TAOK3: variants seen among roughly 807,000 people sequenced by gnomAD.
TAOK3 encodes TAO kinase 3, also known as serine/threonine-protein kinase TAO3.
In TAOK3, 40 loss-of-function variants were observed where a neutral mutation model predicts 120.4. That is an observed-to-expected ratio of 0.33 (90% CI 0.26 to 0.43). The LOEUF (loss-of-function observed/expected upper bound fraction) is 0.43. Ranked by LOEUF, TAOK3 falls within the 20% of genes least tolerant of loss-of-function variation. The probability of loss-of-function intolerance (pLI) is 1.00; values close to 1 mark genes in which losing one functional copy is unlikely to be tolerated. For missense variants in TAOK3, 821 were observed against 1,112.1 expected, an observed-to-expected ratio of 0.74 and a Z score of 3.72; for synonymous variants, 355 against 387.5, an observed-to-expected ratio of 0.92 and a Z score of 0.99.
intron 1 of TAOK3, among the ~76,000 whole-genome samples, chr12:118,287,524 T>C (rs904956311): frequency 3.3e-5 from 5 of 152,154 alleles, no homozygotes; most frequent in Admixed American, 2.0e-4. Flanking sequence ...CACTATGACA[T>C]AGTGGAAATA....
chr12:118,365,438 G>A (rs1272827559), intron 1 of TAOK3, among the ~76,000 whole-genome samples: 1 of 151,432 alleles, frequency 6.6e-6, no homozygotes, highest in Non-Finnish European at 1.5e-5. Flanking sequence ...GGGCGGGGGC[G>A]GTGTTTCACT....
In TAOK3 at chr12:118,222,510, C is replaced by T. The variant is rs571275799; in HGVS notation, c.644-8400G>A. The stretch of plus-strand genomic sequence containing the variant: ...ATCATGCCACTGTACTCCAGCCTGG[C>T]GATGGAGTGAGACTCCCTCTCGAAA... On this transcript the variant is annotated intron_variant, in intron 9 of 20. Transcript: ENST00000392533. Among the ~76,000 whole-genome samples, 16 of 147,856 alleles carry T rather than the reference C, an allele frequency of 1.1e-4. No individual in the cohort carries two copies. The South Asian group carries it at 3.2e-3, about 30-fold the overall frequency.
intron 9 of TAOK3, among the ~76,000 whole-genome samples, chr12:118,226,128 C>A (rs2039492575): frequency 6.6e-6 from 1 of 152,222 alleles, no homozygotes. Flanking sequence ...GTAATCCCAG[C>A]ACTTTGGGAG....
chr12:118,262,586 G>C (rs1432684934), intron 2 of TAOK3, among the ~76,000 whole-genome samples: 1 of 151,962 alleles, frequency 6.6e-6, no homozygotes, highest in African/African-American at 2.4e-5. Flanking sequence ...CAGTACTTTG[G>C]GAGGCTGAGG....
At chr12:118,288,760 C>CA (rs2042355049) in intron 1 of TAOK3, among the ~76,000 whole-genome samples, 1 of 150,976 alleles carries the variant, frequency 6.6e-6, no homozygotes, top group Non-Finnish European at 1.5e-5. Flanking sequence ...TACTAAAATA[C>CA]AAAAAATTAT....
chr12:118,152,055 G>C (rs1314731024), intron 20 of TAOK3, among the ~76,000 whole-genome samples, 172 bp downstream of exon 20: 1 of 152,060 alleles, frequency 6.6e-6, no homozygotes, highest in Non-Finnish European at 1.5e-5. Flanking sequence ...TTGGTGTTTC[G>C]GTCTGTAGAA....
chr12:118,305,082 A>G (rs1274665176), intron 1 of TAOK3, among the ~76,000 whole-genome samples: 1 of 152,244 alleles, frequency 6.6e-6, no homozygotes, highest in Non-Finnish European at 1.5e-5. Context: ...TACAAAGGAC[A>G]TAATATAATA....
chr12:118,219,991 T>C (rs2039151169), intron 9 of TAOK3, among the ~76,000 whole-genome samples: 1 of 149,380 alleles, frequency 6.7e-6, no homozygotes, highest in African/African-American at 2.5e-5. Context: ...TTCCTCCCTC[T>C]CTCTTTCTCA....
At chr12:118,359,453 G>C (rs986450008) in intron 1 of TAOK3, 1 of 152,122 alleles carries the variant, frequency 6.6e-6, no homozygotes, top group South Asian at 2.1e-4. Flanking sequence ...CTGCATACTA[G>C]AGTAAGGTTT....
chr12:118,239,938 A>G (rs2040173873), intron 5 of TAOK3, among the ~76,000 whole-genome samples: 1 of 152,082 alleles, frequency 6.6e-6, no homozygotes. Context: ...AGGCTGAGGC[A>G]GGTGGATCAC....
At chr12:118,181,329 TG>T in intron 15 of TAOK3, 41 bp downstream of exon 15, 1 of 1,521,374 alleles carries the variant, frequency 6.6e-7, no homozygotes, top group Non-Finnish European at 9.1e-7. Context: ...CCCAACAGGC[TG>T]GGCTTGGTTG....
At chr12:118,217,953 A>T (rs1266986446) in intron 9 of TAOK3, among the ~76,000 whole-genome samples, 1 of 143,698 alleles carries the variant, frequency 7.0e-6, no homozygotes, top group Non-Finnish European at 1.5e-5. Context: ...CTCTGCCTCC[A>T]GGTTCAAGTG....
intron 1 of TAOK3, among the ~76,000 whole-genome samples, chr12:118,332,121 A>G (rs2044177713): frequency 6.6e-6 from 1 of 152,232 alleles, no homozygotes; most frequent in Non-Finnish European, 1.5e-5. Context: ...CACCACGCCC[A>G]GATATAAATT....
chr12:118,369,205 A>T (rs1465689987), intron 1 of TAOK3, among the ~76,000 whole-genome samples: 3 of 152,132 alleles, frequency 2.0e-5, no homozygotes, highest in African/African-American at 7.2e-5. Context: ...TAAATTAAAT[A>T]AATAAATAAG....
intron 9 of TAOK3, among the ~76,000 whole-genome samples, chr12:118,221,778 G>A (rs2039245554): frequency 6.6e-6 from 1 of 151,674 alleles, no homozygotes; most frequent in Admixed American, 6.6e-5. Flanking sequence ...GGGACTACAG[G>A]TGCCCGCCAC....
intron 3 of TAOK3, chr12:118,246,551 C>G (rs1224776708): frequency 4.5e-6 from 7 of 1,552,428 alleles, no homozygotes; most frequent in Non-Finnish European, 6.1e-6. Context: ...GGGCCATCAT[C>G]CTGGCCAAGC....
intron 9 of TAOK3, among the ~76,000 whole-genome samples, chr12:118,215,971 C>T (rs190178966): frequency 2.8e-3 from 424 of 151,946 alleles, no homozygotes; most frequent in African/African-American, 7.0e-3. Flanking sequence ...AGGCCGAGGC[C>T]GGCAGATCAC....
At chr12:118,253,318 C>A (rs534564) in intron 3 of TAOK3, among the ~76,000 whole-genome samples, 2,401 of 152,200 alleles carry the variant, frequency 0.016, 28 homozygotes, top group Non-Finnish European at 0.026. Context: ...ATGGAAGAGT[C>A]AGTAATGTTT....
intron 17 of TAOK3, among the ~76,000 whole-genome samples, chr12:118,168,448 A>G (rs1238080542): frequency 6.6e-6 from 1 of 152,222 alleles, no homozygotes; most frequent in East Asian, 1.9e-4. Context: ...ATATATCAAA[A>G]CATCAAGTTG....
Sources: allele counts gnomAD v4.1 joint callset (sites outside exome capture counted in the v4.1 genomes callset), GRCh38; gene constraint gnomAD v4.1.1; transcripts MANE v1.5; gene names NCBI Gene and HGNC (gene_info 2026-07-23, HGNC 2026-07-21).